Variants in CD59 observed in about 807,000 individuals in gnomAD.
CD59 encodes CD59 glycoprotein.
Under a neutral mutation model 7.0 loss-of-function variants are expected in CD59, and 3 were observed. The ratio of observed to expected loss-of-function variants is 0.43; its 90% CI spans 0.19 to 1.10. CD59 has a LOEUF of 1.10. Among genes scored for constraint, CD59 ranks in the 50% least tolerant of loss-of-function variants. The pLI is 0.29. For missense variants in CD59, 143 were observed against 151.0 expected (o/e 0.95, Z 0.28); for synonymous variants, 60 against 62.0 (o/e 0.97, Z 0.15).
At chr11:33,713,718 T>C (rs1853663824) in intron 3 of CD59, among the ~76,000 whole-genome samples, 1 of 152,256 alleles carries the variant, frequency 6.6e-6, no homozygotes, top group African/African-American at 2.4e-5. Flanking sequence ...CAGTAATTTA[T>C]GAATAATTGC....
rs184346840 is a variant in CD59 at position 33,728,947 on chromosome 11, A to T, written c.-18-6484T>A. ...CCATCACTGGTCATTAGAGAAATGC[A>T]AATCAAAACCACAATGAGATACCAT... On this transcript the variant is annotated intron_variant, in intron 1 of 3. Coordinates refer to ENST00000642928, the MANE Select transcript of CD59 (RefSeq NM_000611.6). Among the ~76,000 whole-genome samples, 33 of 152,388 alleles carry T rather than the reference A, an allele frequency of 2.2e-4. No homozygotes were observed. The East Asian group carries it at 6.4e-3, about 29-fold the overall frequency.
chr11:33,712,189 T>C (rs1322273319), intron 3 of CD59, among the ~76,000 whole-genome samples: 1 of 152,234 alleles, frequency 6.6e-6, no homozygotes, highest in Non-Finnish European at 1.5e-5. Flanking sequence ...ACAGGAAAAG[T>C]TTCTATAAGA....
chr11:33,720,989 G>A (rs1490338123), intron 2 of CD59, among the ~76,000 whole-genome samples: 1 of 152,206 alleles, frequency 6.6e-6, no homozygotes, highest in Non-Finnish European at 1.5e-5. Context: ...GAAGCTGATG[G>A]TCCCAAGCTT....
rs1462366260 is a variant in CD59, at chr11:33,706,322, C to A, written c.*3804G>T. On this transcript the variant is annotated 3_prime_UTR_variant, in exon 4 of 4. Coordinates refer to ENST00000642928, the MANE Select transcript of CD59 (RefSeq NM_000611.6). ...TTACAAAAATTTTATATTGAATAAC[C>A]TGTAAGTAATTTGAAAAAGAGACTT... 6.6e-6 allele frequency: 1 copy of A among 151,934 alleles called. No individual in the cohort carries two copies. The highest frequency in any genetic ancestry group is 1.5e-5 in the Non-Finnish European group (1 of 67,966). The allele number at this position is 151,934 out of a possible 1,614,324, so 9.4% of individuals were successfully genotyped here. A position where few individuals can be genotyped will look rare whatever the true frequency, so the allele number is the denominator to read the frequency against.
intron 1 of CD59, among the ~76,000 whole-genome samples, chr11:33,726,755 G>C (rs956464255): frequency 1.8e-4 from 27 of 152,006 alleles, no homozygotes; most frequent in African/African-American, 6.3e-4. Context: ...TTTTTGAAAA[G>C]ATCAACAGAA....
intron 1 of CD59, among the ~76,000 whole-genome samples, chr11:33,730,279 G>A (rs1011244031): frequency 1.3e-5 from 2 of 151,980 alleles, no homozygotes; most frequent in South Asian, 4.1e-4. Context: ...GCCAGGTGTG[G>A]TGGCGTGTGC....
In CD59 at chr11:33,706,958, G is replaced by A. The variant is rs1853335668; in HGVS notation, c.*3168C>T. ...TAGACTTGCTGACCTGAGGAGCTGAGTGGGAAGCATGGACTTGCCAACTTA... is the reference window on the plus strand; with the variant it reads ...TAGACTTGCTGACCTGAGGAGCTGAATGGGAAGCATGGACTTGCCAACTTA... On this transcript the variant is annotated 3_prime_UTR_variant, in exon 4 of 4. Transcript: ENST00000642928. 6.6e-6 allele frequency: 1 copy of A among 152,256 alleles called. No individual in the cohort carries two copies. The highest frequency in any genetic ancestry group is 2.4e-5 in the African/African-American group (1 of 41,454). 9.4% of individuals were successfully genotyped at this position (152,256 alleles called of 1,614,324 possible).
chr11:33,713,462 A>G (rs1389656762), intron 3 of CD59, among the ~76,000 whole-genome samples: 3 of 152,148 alleles, frequency 2.0e-5, no homozygotes, highest in Non-Finnish European at 4.4e-5. Flanking sequence ...CTCTGAGGGG[A>G]TGGGTATCTG....
intron 3 of CD59, among the ~76,000 whole-genome samples, chr11:33,710,972 G>A (rs1277616761): frequency 1.3e-5 from 2 of 148,704 alleles, no homozygotes; most frequent in African/African-American, 4.9e-5. Flanking sequence ...TACAATGCAA[G>A]TTCCATGCAG....
rs890345887 is a variant in CD59 at position 33,703,299 on chromosome 11, T to C, written c.*6827A>G. On this transcript the variant is annotated 3_prime_UTR_variant, in exon 4 of 4. Transcript: ENST00000642928. Reference sequence around the variant, plus strand: ...CTGCTGTCAGGAGGCAAAGTCCCTATGAGGTAATAATAAACCCACGAGGTT... The same window carrying C: ...CTGCTGTCAGGAGGCAAAGTCCCTACGAGGTAATAATAAACCCACGAGGTT... The C allele has an allele frequency of 3.3e-5, 5 of 152,010 alleles. No homozygotes were observed. Among genetic ancestry groups the C allele is most frequent in the African/African-American group, 7.3e-5 (3 of 41,378 alleles). 9.4% of individuals were successfully genotyped at this position (152,010 alleles called of 1,614,324 possible). A position where few individuals can be genotyped will look rare whatever the true frequency, so the allele number is the denominator to read the frequency against.
chr11:33,735,187 A>G (rs1814183052), intron 1 of CD59, among the ~76,000 whole-genome samples: 2 of 152,162 alleles, frequency 1.3e-5, no homozygotes, highest in Admixed American at 6.5e-5. Context: ...CTGGGAGTAA[A>G]CCGCCAGGAG....
At chr11:33,718,900 C>G (rs917856342) in intron 2 of CD59, 1 of 152,224 alleles carries the variant, frequency 6.6e-6, no homozygotes, top group African/African-American at 2.4e-5. Flanking sequence ...AGGAAATCTT[C>G]CTGGTTTGTA....
At chr11:33,714,053 C>T (rs1853677968) in intron 3 of CD59, among the ~76,000 whole-genome samples, 1 of 152,242 alleles carries the variant, frequency 6.6e-6, no homozygotes, top group Non-Finnish European at 1.5e-5. Flanking sequence ...AGACTAAGTA[C>T]ATTTAACCTT....
chr11:33,733,845 G>C (rs912137154), intron 1 of CD59, among the ~76,000 whole-genome samples: 3 of 152,172 alleles, frequency 2.0e-5, no homozygotes, highest in Non-Finnish European at 4.4e-5. Context: ...ATTCACAGTT[G>C]CCCATGAGTA....
In CD59 at chr11:33,722,404, G is replaced by C. The variant is rs372568051; in HGVS notation, c.42C>G (p.Leu14=). 2 of 1,613,908 alleles carry C rather than the reference G, an allele frequency of 1.2e-6. No individual in the cohort carries two copies. Among genetic ancestry groups the C allele is most frequent in the South Asian group, 1.1e-5 (1 of 91,064 alleles). The change falls in exon 2 of 4, where the codon CTC becomes CTG. Residue 14 remains leucine (L), a synonymous_variant. Transcript: ENST00000642928. The part of the protein sequence containing the change: ...QGGSVLFGLL[L]VLAVFCHSGH... Reference sequence around the variant, plus strand: ...CTGAATGGCAGAAGACAGCCAGGACGAGCAGCAGCCCGAACAGGACAGACC... The same window carrying C: ...CTGAATGGCAGAAGACAGCCAGGACCAGCAGCAGCCCGAACAGGACAGACC...
chr11:33,711,970 T>C (rs533810982), intron 3 of CD59, among the ~76,000 whole-genome samples: 1 of 152,320 alleles, frequency 6.6e-6, no homozygotes, highest in African/African-American at 2.4e-5. Flanking sequence ...AAGTTAAAGA[T>C]AGAGTTATCC....
At chr11:33,734,702 C>T (rs1854514748) in intron 1 of CD59, among the ~76,000 whole-genome samples, 1 of 152,210 alleles carries the variant, frequency 6.6e-6, no homozygotes, top group Admixed American at 6.5e-5. Flanking sequence ...CATGCAAAAC[C>T]AAGGTTTAGT....
At chr11:33,711,620 T>C (rs1853563765) in intron 3 of CD59, 1 of 545,696 alleles carries the variant, frequency 1.8e-6, no homozygotes, top group Non-Finnish European at 3.2e-6. Flanking sequence ...AAGGCTGCAG[T>C]GAGCTATGAT....
chr11:33,719,671 T>G (rs576168097), intron 2 of CD59: 2 of 152,202 alleles, frequency 1.3e-5, no homozygotes. Context: ...TCCCCAACTT[T>G]TTTGCAGATG....
Sources: gnomAD v4.1 joint callset for allele counts (sites outside exome capture counted in the v4.1 genomes callset) on GRCh38, gnomAD v4.1.1 for gene constraint, MANE v1.5 for transcripts, NCBI Gene and HGNC (gene_info 2026-07-23, HGNC 2026-07-21) for gene names.